The following DSCAM variants were observed in gnomAD, a reference collection of about 807,000 sequenced individuals.
The protein encoded by DSCAM is DS cell adhesion molecule, also known as cell adhesion molecule DSCAM.
A neutral mutation model predicts 217.7 loss-of-function variants in DSCAM; 47 were observed. That is an observed-to-expected ratio of 0.22 (90% CI 0.17 to 0.28). The LOEUF is 0.28. Ranked by LOEUF, DSCAM falls within the 10% of genes least tolerant of loss-of-function variation. The pLI is 1.00. For synonymous variants in DSCAM, 1,056 were observed against 1,015.3 expected, an observed-to-expected ratio of 1.04 and a Z score of -0.76; for missense variants, 2,080 against 2,618.3, an observed-to-expected ratio of 0.79 and a Z score of 4.49.
intron 3 of DSCAM, among the ~76,000 whole-genome samples, chr21:40,557,826 C>T (rs2076684410): frequency 6.6e-6 from 1 of 152,246 alleles, no homozygotes; most frequent in East Asian, 1.9e-4. Flanking sequence ...TATAGCAACA[C>T]AAAATGAACT....
At chr21:40,469,112 C>T (rs75552252) in intron 3 of DSCAM, among the ~76,000 whole-genome samples, 11,180 of 152,108 alleles carry the variant, frequency 0.074, 802 homozygotes, top group African/African-American at 0.18. Context: ...AACTTACACC[C>T]GAAGGTCAGC....
chr21:40,843,364 ATGCATGTGTGTG>A (rs1237772936), intron 1 of DSCAM, among the ~76,000 whole-genome samples: 1 of 120,508 alleles, frequency 8.3e-6, no homozygotes, highest in African/African-American at 3.9e-5. Context: ...TCAGGAATGC[ATGCATGTGTGTG>A]TGTGTGTGTG....
At chr21:40,476,381 A>G (rs138308376) in intron 3 of DSCAM, among the ~76,000 whole-genome samples, 122 of 152,308 alleles carry the variant, frequency 8.0e-4, no homozygotes, top group African/African-American at 2.6e-3. Flanking sequence ...GAGTTGTTAT[A>G]AGGCTTTAAT....
At chr21:40,540,407 T>C (rs544488356) in intron 3 of DSCAM, among the ~76,000 whole-genome samples, 1 of 152,290 alleles carries the variant, frequency 6.6e-6, no homozygotes, top group East Asian at 1.9e-4. Context: ...GTAATCTCTC[T>C]GTCGATGTTA....
intron 3 of DSCAM, among the ~76,000 whole-genome samples, chr21:40,430,900 G>A (rs1302253449): frequency 3.3e-5 from 5 of 152,326 alleles, no homozygotes; most frequent in African/African-American, 1.2e-4. Context: ...TTCTTCTCTA[G>A]CTGTACAACT....
At chr21:40,088,203 A>C (rs2089557883) in intron 21 of DSCAM, among the ~76,000 whole-genome samples, 1 of 152,322 alleles carries the variant, frequency 6.6e-6, no homozygotes, top group South Asian at 2.1e-4. Flanking sequence ...GTGCCCCTAC[A>C]GGAGCTCACC....
chr21:40,276,055 T>G (rs745767056), intron 11 of DSCAM, 42 bp downstream of exon 11: 1 of 1,494,446 alleles, frequency 6.7e-7, no homozygotes, highest in African/African-American at 1.4e-5. Flanking sequence ...CAGAGACCTA[T>G]GTATTTAAAC....
intron 1 of DSCAM, among the ~76,000 whole-genome samples, chr21:40,784,508 T>C (rs2091575711): frequency 1.3e-5 from 2 of 152,210 alleles, no homozygotes; most frequent in African/African-American, 4.8e-5. Flanking sequence ...TGCTTTGGAT[T>C]AACATACAGA....
At chr21:40,566,313 A>G (rs2076763919) in intron 3 of DSCAM, among the ~76,000 whole-genome samples, 1 of 152,152 alleles carries the variant, frequency 6.6e-6, no homozygotes. Context: ...GCCATCATCC[A>G]GAGAAGACAA....
chr21:40,176,950 G>T (rs952627298), intron 15 of DSCAM, among the ~76,000 whole-genome samples: 8 of 152,250 alleles, frequency 5.3e-5, no homozygotes, highest in African/African-American at 1.9e-4. Flanking sequence ...AACAACAGCA[G>T]CATTAATAAT....
chr21:40,253,310 C>A (rs959930570), intron 11 of DSCAM, among the ~76,000 whole-genome samples: 1 of 152,134 alleles, frequency 6.6e-6, no homozygotes, highest in Non-Finnish European at 1.5e-5. Flanking sequence ...CTGGAAATTC[C>A]CTGCCAAATA....
intron 10 of DSCAM, among the ~76,000 whole-genome samples, chr21:40,290,922 A>G (rs192085713): frequency 6.6e-6 from 1 of 152,374 alleles, no homozygotes; most frequent in Non-Finnish European, 1.5e-5. Context: ...CAGAACATAG[A>G]GGGTCTAAGC....
At chr21:40,310,504 A>T (rs958158447) in intron 9 of DSCAM, among the ~76,000 whole-genome samples, 15 of 152,272 alleles carry the variant, frequency 9.9e-5, no homozygotes, top group African/African-American at 3.6e-4. Flanking sequence ...GAACAATCAC[A>T]TGGAGACATC....
chr21:40,214,932 C>G (rs541698416), intron 11 of DSCAM, among the ~76,000 whole-genome samples: 29 of 152,036 alleles, frequency 1.9e-4, no homozygotes, highest in Non-Finnish European at 3.5e-4. Context: ...GCACAATTCA[C>G]AACTGTAAAG....
intron 16 of DSCAM, among the ~76,000 whole-genome samples, chr21:40,148,647 G>T (rs2146728109): frequency 6.6e-6 from 1 of 151,842 alleles, no homozygotes; most frequent in African/African-American, 2.4e-5. Flanking sequence ...TACCACCTCT[G>T]CAGGTCACTG....
intron 1 of DSCAM, among the ~76,000 whole-genome samples, chr21:40,780,398 CGTGTGTGTGTGTGT>C (rs140268971): frequency 1.2e-4 from 13 of 108,642 alleles, no homozygotes; most frequent in South Asian, 9.5e-4. Context: ...CAAATATAAA[CGTGTGTGTGTGTGT>C]GTGTGTGTGT....
chr21:40,687,050 T>C (rs1226217462), intron 3 of DSCAM, among the ~76,000 whole-genome samples: 1 of 152,220 alleles, frequency 6.6e-6, no homozygotes, highest in Non-Finnish European at 1.5e-5. Context: ...GTGCACGTTC[T>C]GAGCTGAGAA....
At chr21:40,302,320 T>C (rs1291984989) in intron 9 of DSCAM, among the ~76,000 whole-genome samples, 2 of 152,104 alleles carry the variant, frequency 1.3e-5, no homozygotes, top group African/African-American at 4.8e-5. Context: ...GTTCTCGTGA[T>C]AGTGAATGAG....
intron 3 of DSCAM, among the ~76,000 whole-genome samples, chr21:40,543,906 G>A (rs1000421366): frequency 1.3e-5 from 2 of 152,046 alleles, no homozygotes; most frequent in African/African-American, 4.8e-5. Flanking sequence ...TCTCGGTTGT[G>A]TTCATTATTT....
Sources: allele counts gnomAD v4.1 joint callset (sites outside exome capture counted in the v4.1 genomes callset), GRCh38; gene constraint gnomAD v4.1.1; transcripts MANE v1.5; gene names NCBI Gene and HGNC (gene_info 2026-07-23, HGNC 2026-07-21).